Variants in TMEM184C observed in about 807,000 individuals in gnomAD.
TMEM184C encodes transmembrane protein 184C.
TMEM184C carries 25 observed loss-of-function variants against 54.5 expected under a neutral mutation model. That is an observed-to-expected ratio of 0.46 (90% CI 0.33 to 0.64). The LOEUF (loss-of-function observed/expected upper bound fraction) is 0.64. Among genes scored for constraint, TMEM184C ranks in the 30% least tolerant of loss-of-function variants. The pLI, the probability that TMEM184C is intolerant of heterozygous loss-of-function variation, is 0.02. For missense variants in TMEM184C, 335 were observed against 520.3 expected (o/e 0.64, Z 3.46); for synonymous variants, 148 against 181.5 (o/e 0.82, Z 1.49).
In TMEM184C at chr4:147,635,630, T is replaced by G. The variant is rs1171784669; in HGVS notation, c.*1196T>G. ...ACATACTCATTCATATCTATCTATA[T>G]ATATAGAGAGAGATAGTGGTTCACA... On this transcript the variant is annotated 3_prime_UTR_variant, in exon 10 of 10. Transcript: ENST00000296582. 2 of 152,178 alleles carry G rather than the reference T, an allele frequency of 1.3e-5. No homozygotes were observed. The highest frequency in any genetic ancestry group is 2.4e-5 in the African/African-American group (1 of 41,460). 9.4% of individuals were successfully genotyped at this position (152,178 alleles called of 1,614,324 possible).
chr4:147,633,102 T>G lies in TMEM184C; in HGVS notation c.879+100T>G, dbSNP rs1051380113. The G allele has an allele frequency of 1.3e-5, 12 of 951,940 alleles. No homozygotes were observed. The African/African-American group carries it at 2.0e-4, about 16-fold the overall frequency. 59.0% of individuals were successfully genotyped at this position (951,940 alleles called of 1,614,324 possible). ...GACAACACACAGGGTATGGGGCTAT[T>G]ATCCTCACTTTACAGGTGAGAAAAC... On this transcript the variant is annotated intron_variant, in intron 8 of 9. Coordinates refer to ENST00000296582, the MANE Select transcript of TMEM184C (RefSeq NM_018241.3).
At chr4:147,630,050 T>A (rs929614074) in intron 6 of TMEM184C, among the ~76,000 whole-genome samples, 1 of 151,652 alleles carries the variant, frequency 6.6e-6, no homozygotes, top group Non-Finnish European at 1.5e-5. Flanking sequence ...CTGAACATAT[T>A]CAGAAGAGAA....
chr4:147,634,698 G>T lies in TMEM184C; in HGVS notation c.*264G>T. On this transcript the variant is annotated 3_prime_UTR_variant, in exon 10 of 10. Transcript: ENST00000296582. ...ACAATGACCCCAACTAAATCTTCCT[G>T]ATGTTACACTGCTTTATCAAGAGGA... 8.2e-6 allele frequency: 3 copies of T among 365,022 alleles called. No individual in the cohort carries two copies. The highest frequency in any genetic ancestry group is 4.8e-5 in the East Asian group (1 of 20,772). 22.6% of individuals were successfully genotyped at this position (365,022 alleles called of 1,614,324 possible).
intron 1 of TMEM184C, among the ~76,000 whole-genome samples, chr4:147,622,485 C>A (rs1271855729): frequency 1.3e-5 from 2 of 152,026 alleles, no homozygotes; most frequent in East Asian, 3.9e-4. Flanking sequence ...ATGAATTAAA[C>A]TTTATCATAA....
At chr4:147,620,322 T>G (rs1732686380) in intron 1 of TMEM184C, among the ~76,000 whole-genome samples, 1 of 152,204 alleles carries the variant, frequency 6.6e-6, no homozygotes, top group South Asian at 2.1e-4. Flanking sequence ...TGAATCAGGC[T>G]TTGTATACTA....
Position 147,633,872 on chromosome 4 carries a change from C to G in TMEM184C, c.987C>G (p.Ser329=). The change falls in exon 9 of 10, where the codon TCC becomes TCG. Residue 329 remains serine, a synonymous_variant. Transcript: ENST00000296582. ...QEAEEGSCFD[S]FLAMWDVSDI... ...CAGAAGAGGGCTCATGCTTTGATTC[C>G]TTTCTTGCCATGTGGGATGTCTCAG... 1 of 1,613,880 alleles carries G rather than the reference C, an allele frequency of 6.2e-7. No homozygotes were observed. Among genetic ancestry groups the G allele is most frequent in the Non-Finnish European group, 8.5e-7 (1 of 1,179,964 alleles).
At chr4:147,633,110 CTT>C in intron 8 of TMEM184C, 108 bp downstream of exon 8, 1 of 855,552 alleles carries the variant, frequency 1.2e-6, no homozygotes, top group Non-Finnish European at 1.8e-6. Flanking sequence ...ATTATCCTCA[CTT>C]TACAGGTGAG....
At chr4:147,619,253 A>G (rs1732659736) in intron 1 of TMEM184C, among the ~76,000 whole-genome samples, 2 of 151,644 alleles carry the variant, frequency 1.3e-5, no homozygotes, top group Admixed American at 6.6e-5. Flanking sequence ...GCTGGAGTGC[A>G]GTGGCGCGAT....
chr4:147,618,211 A>C, intron 1 of TMEM184C, 132 bp downstream of exon 1: 1 of 1,299,496 alleles, frequency 7.7e-7, no homozygotes, highest in Non-Finnish European at 1.1e-6. Flanking sequence ...TACTCTTAGG[A>C]TATAAACCTG....
chr4:147,624,739 T>C (rs2126549562), intron 3 of TMEM184C, 65 bp from the exon 4 acceptor site: 1 of 1,492,048 alleles, frequency 6.7e-7, no homozygotes, highest in East Asian at 2.3e-5. Context: ...GTGAGTACCA[T>C]GAATGGAGTG....
In TMEM184C at chr4:147,635,280, C is replaced by A. The variant is rs1214420344; in HGVS notation, c.*846C>A. The A allele has an allele frequency of 6.6e-6, 1 of 151,688 alleles. No individual in the cohort carries two copies. Among genetic ancestry groups the A allele is most frequent in the East Asian group, 1.9e-4 (1 of 5,180 alleles). The allele number at this position is 151,688 out of a possible 1,614,324, so 9.4% of individuals were successfully genotyped here. ...ACATTAAAAACCCTTAATATTTTAA[C>A]AAAAATTTCTTGATTAGAGGCACAG... is the stretch of plus-strand genomic sequence containing the variant. On this transcript the variant is annotated 3_prime_UTR_variant, in exon 10 of 10. Coordinates refer to ENST00000296582, the MANE Select transcript of TMEM184C (RefSeq NM_018241.3).
rs1238277158 is a variant in TMEM184C at position 147,636,498 on chromosome 4, C to T, written c.*2064C>T. The T allele has an allele frequency of 1.3e-5, 2 of 152,036 alleles. No individual in the cohort carries two copies. Among genetic ancestry groups the T allele is most frequent in the African/African-American group, 4.8e-5 (2 of 41,422 alleles). 9.4% of individuals were successfully genotyped at this position (152,036 alleles called of 1,614,324 possible). A position where few individuals can be genotyped will look rare whatever the true frequency, so the allele number is the denominator to read the frequency against. On this transcript the variant is annotated 3_prime_UTR_variant, in exon 10 of 10. Coordinates refer to ENST00000296582, the MANE Select transcript of TMEM184C (RefSeq NM_018241.3). ...CAATCAATTCAAAATGGATAAAAGA[C>T]CTAAATGTAAGACCAGAAACTATAG...
chr4:147,618,190 G>A, intron 1 of TMEM184C, 111 bp downstream of exon 1: 1 of 1,476,360 alleles, frequency 6.8e-7, no homozygotes, highest in Non-Finnish European at 9.4e-7. Flanking sequence ...ACCATCTAAT[G>A]TAAACGAGCC....
At chr4:147,626,775 ATAGT>A (rs1732822497) in intron 4 of TMEM184C, among the ~76,000 whole-genome samples, 1 of 152,246 alleles carries the variant, frequency 6.6e-6, no homozygotes, top group Non-Finnish European at 1.5e-5. Context: ...ACACAAATAT[ATAGT>A]TAGTTATTTC....
At chr4:147,629,142 ATACT>A (rs1732864748) in intron 5 of TMEM184C, among the ~76,000 whole-genome samples, 1 of 152,144 alleles carries the variant, frequency 6.6e-6, no homozygotes, top group Non-Finnish European at 1.5e-5. Context: ...ACTGATGGTC[ATACT>A]TACTTGAGGG....
chr4:147,632,890 T>A lies in TMEM184C; in HGVS notation c.780-13T>A. ...TGATATAGATTTGGCGTTTACCTTT[T>A]CCTAACATATAGGCAAGCAGTAGTT... On this transcript the variant is annotated splice_polypyrimidine_tract_variant and intron_variant, in intron 7 of 9. Coordinates refer to ENST00000296582, the MANE Select transcript of TMEM184C (RefSeq NM_018241.3). The A allele has an allele frequency of 1.2e-6, 2 of 1,610,632 alleles. No homozygotes were observed. Among genetic ancestry groups the A allele is most frequent in the Non-Finnish European group, 1.7e-6 (2 of 1,178,494 alleles).
At chr4:147,626,488 A>G (rs965263790) in intron 4 of TMEM184C, among the ~76,000 whole-genome samples, 3 of 152,244 alleles carry the variant, frequency 2.0e-5, no homozygotes, top group African/African-American at 7.2e-5. Flanking sequence ...AAATGGAGGT[A>G]GAGTGATCAG....
intron 1 of TMEM184C, among the ~76,000 whole-genome samples, chr4:147,621,792 G>C (rs1032399006): frequency 2.1e-4 from 32 of 152,182 alleles, no homozygotes; most frequent in African/African-American, 7.5e-4. Flanking sequence ...CAGTGACCAA[G>C]TCTCTAGTCA....
Position 147,624,067 on chromosome 4 carries a change from T to G in TMEM184C, c.260T>G (p.Leu87Arg). ...CTGTTTTCCTTTTCCAATAGGATTC[T>G]TTGGATGGTACCTATTTACAGTTTA... ...PELQKPIIRILWMVPIYSLDS... is the reference protein window; with the variant it reads ...PELQKPIIRIRWMVPIYSLDS... The change falls in exon 3 of 10, where the codon CTT (leucine) becomes CGT (arginine). Residue 87 changes from leucine to arginine, a missense_variant. Leu to Arg is a moderately radical substitution (Grantham distance 102). Coordinates refer to ENST00000296582, the MANE Select transcript of TMEM184C (RefSeq NM_018241.3). 6.2e-7 allele frequency: 1 copy of G among 1,607,558 alleles called. No individual in the cohort carries two copies.
Sources: allele counts gnomAD v4.1 joint callset (sites outside exome capture counted in the v4.1 genomes callset), GRCh38; gene constraint gnomAD v4.1.1; transcripts MANE v1.5; gene names NCBI Gene and HGNC (gene_info 2026-07-23, HGNC 2026-07-21).